CACNA2D3: variants seen among roughly 807,000 people sequenced by gnomAD.
CACNA2D3 encodes the protein calcium voltage-gated channel auxiliary subunit alpha2delta 3.
CACNA2D3 carries 60 observed loss-of-function variants against 160.6 expected under a neutral mutation model. That is an observed-to-expected ratio of 0.37 (90% CI 0.30 to 0.46). CACNA2D3 has a LOEUF of 0.46. Ranked by LOEUF, CACNA2D3 falls within the 20% of genes least tolerant of loss-of-function variation. The pLI is 1.00. For synonymous variants in CACNA2D3, 558 were observed against 492.9 expected, an observed-to-expected ratio of 1.13 and a Z score of -1.75; for missense variants, 1,205 against 1,365.0, an observed-to-expected ratio of 0.88 and a Z score of 1.85.
At chr3:54,309,414 G>A (rs1405825114) in intron 2 of CACNA2D3, among the ~76,000 whole-genome samples, 1 of 152,226 alleles carries the variant, frequency 6.6e-6, no homozygotes, top group Admixed American at 6.5e-5. Context: ...AACAGGAAAA[G>A]CTTATGCAAT....
chr3:54,662,768 A>G (rs1280637138), intron 11 of CACNA2D3, among the ~76,000 whole-genome samples: 1 of 152,216 alleles, frequency 6.6e-6, no homozygotes, highest in Non-Finnish European at 1.5e-5. Context: ...AAGAGTCAGG[A>G]AAGGGAAATA....
At chr3:54,197,559 T>C (rs1356023940) in intron 2 of CACNA2D3, 1 of 152,258 alleles carries the variant, frequency 6.6e-6, no homozygotes, top group African/African-American at 2.4e-5. Context: ...GGTTTGGTAC[T>C]GATCTCTTGA....
At chr3:54,302,413 G>T (rs1192135869) in intron 2 of CACNA2D3, among the ~76,000 whole-genome samples, 1 of 152,164 alleles carries the variant, frequency 6.6e-6, no homozygotes, top group African/African-American at 2.4e-5. Context: ...TATTTGGAAG[G>T]TGGTGTTTTT....
intron 13 of CACNA2D3, among the ~76,000 whole-genome samples, chr3:54,769,169 G>T (rs965447405): frequency 1.3e-5 from 2 of 152,110 alleles, no homozygotes; most frequent in Admixed American, 6.6e-5. Flanking sequence ...CTCATCTGCA[G>T]AGTCTAAATT....
At chr3:54,594,578 T>C (rs1702918217) in intron 9 of CACNA2D3, among the ~76,000 whole-genome samples, 1 of 152,226 alleles carries the variant, frequency 6.6e-6, no homozygotes, top group East Asian at 1.9e-4. Context: ...GGGGTGGATC[T>C]TTCCTTAGAC....
intron 11 of CACNA2D3, among the ~76,000 whole-genome samples, chr3:54,663,442 T>G (rs1260949924): frequency 1.3e-5 from 2 of 152,174 alleles, no homozygotes; most frequent in African/African-American, 4.8e-5. Context: ...TGACTTGGCC[T>G]TCCAGGCACC....
At chr3:54,851,161 A>G (rs1699048854) in intron 17 of CACNA2D3, among the ~76,000 whole-genome samples, 1 of 152,242 alleles carries the variant, frequency 6.6e-6, no homozygotes, top group African/African-American at 2.4e-5. Context: ...TGGGACAGGA[A>G]CTATTCTAAG....
At chr3:54,293,153 A>C (rs1373806967) in intron 2 of CACNA2D3, among the ~76,000 whole-genome samples, 1 of 152,210 alleles carries the variant, frequency 6.6e-6, no homozygotes, top group Non-Finnish European at 1.5e-5. Context: ...AGTAGAATAG[A>C]GGTTACCAGG....
intron 5 of CACNA2D3, among the ~76,000 whole-genome samples, chr3:54,508,501 C>CA (rs1246985371): frequency 3.9e-5 from 6 of 152,176 alleles, no homozygotes; most frequent in Non-Finnish European, 1.5e-5. Context: ...GCAGGATACC[C>CA]AGCACATGGT....
At chr3:55,022,449 G>A (rs1703476520) in intron 35 of CACNA2D3, among the ~76,000 whole-genome samples, 3 of 151,838 alleles carry the variant, frequency 2.0e-5, no homozygotes, top group South Asian at 2.1e-4. Context: ...AAAATTTATG[G>A]TGCTTACCAA....
intron 3 of CACNA2D3, among the ~76,000 whole-genome samples, chr3:54,358,670 C>T (rs757888706): frequency 1.3e-5 from 2 of 152,172 alleles, no homozygotes; most frequent in Non-Finnish European, 2.9e-5. Flanking sequence ...GAAAAATGGT[C>T]ATGTTGTTCT....
At chr3:54,426,818 A>G (rs574489914) in intron 4 of CACNA2D3, among the ~76,000 whole-genome samples, 2 of 152,210 alleles carry the variant, frequency 1.3e-5, no homozygotes, top group African/African-American at 2.4e-5. Context: ...TTGTAACCAC[A>G]GTTGGTGGTG....
intron 11 of CACNA2D3, among the ~76,000 whole-genome samples, chr3:54,734,862 T>TC (rs1701465908): frequency 6.6e-6 from 1 of 152,214 alleles, no homozygotes; most frequent in Admixed American, 6.5e-5. Flanking sequence ...TTAAATTATA[T>TC]CATGCATTAT....
At chr3:54,129,252 T>G (rs1430437004) in intron 2 of CACNA2D3, among the ~76,000 whole-genome samples, 1 of 152,236 alleles carries the variant, frequency 6.6e-6, no homozygotes, top group African/African-American at 2.4e-5. Flanking sequence ...ATAGCTGATG[T>G]GTTTTAGGGG....
chr3:54,383,237 C>A (rs1213351788), intron 3 of CACNA2D3, among the ~76,000 whole-genome samples: 3 of 152,114 alleles, frequency 2.0e-5, no homozygotes, highest in African/African-American at 7.2e-5. Context: ...GATTACTGTC[C>A]TTTGTTCTTT....
chr3:54,503,703 T>C (rs1236301616), intron 5 of CACNA2D3, 49 bp downstream of exon 5: 2 of 1,559,130 alleles, frequency 1.3e-6, no homozygotes, highest in East Asian at 4.5e-5. Context: ...AATCAGGGGG[T>C]TGAGAAGCAG....
intron 4 of CACNA2D3, among the ~76,000 whole-genome samples, chr3:54,404,091 C>G (rs1202190669): frequency 6.6e-6 from 1 of 152,184 alleles, no homozygotes; most frequent in African/African-American, 2.4e-5. Context: ...ACTTCTTAAA[C>G]TCATCCAGAA....
At chr3:55,056,095 T>C (rs2107213739) in intron 35 of CACNA2D3, among the ~76,000 whole-genome samples, 1 of 152,074 alleles carries the variant, frequency 6.6e-6, no homozygotes, top group East Asian at 1.9e-4. Context: ...TTCAAACAAC[T>C]CAACAGCAAG....
chr3:55,026,199 T>A (rs1703561001), intron 35 of CACNA2D3, among the ~76,000 whole-genome samples: 1 of 152,182 alleles, frequency 6.6e-6, no homozygotes, highest in Non-Finnish European at 1.5e-5. Flanking sequence ...GCCTGTTTCT[T>A]ATTGCTAACT....
Sources: gnomAD v4.1 joint callset for allele counts (sites outside exome capture counted in the v4.1 genomes callset) on GRCh38, gnomAD v4.1.1 for gene constraint, MANE v1.5 for transcripts, NCBI Gene and HGNC (gene_info 2026-07-23, HGNC 2026-07-21) for gene names.